Variants in BRINP3 observed in about 807,000 individuals in gnomAD.
BRINP3 encodes the protein BMP/retinoic acid inducible neural specific 3.
Under a neutral mutation model 71.0 loss-of-function variants are expected in BRINP3, and 19 were observed. The observed-to-expected ratio is 0.27, with a 90% CI of 0.19 to 0.39. BRINP3 has a LOEUF of 0.39. Ranked by LOEUF, BRINP3 falls within the 10% of genes least tolerant of loss-of-function variation. The probability of loss-of-function intolerance (pLI) is 1.00; values close to 1 mark genes in which losing one functional copy is unlikely to be tolerated. For missense variants in BRINP3, 959 were observed against 940.8 expected, an observed-to-expected ratio of 1.02 and a Z score of -0.25; for synonymous variants, 380 against 337.7, an observed-to-expected ratio of 1.13 and a Z score of -1.37.
intron 7 of BRINP3, among the ~76,000 whole-genome samples, chr1:190,121,969 T>C (rs2102321015): frequency 6.6e-6 from 1 of 152,318 alleles, no homozygotes; most frequent in African/African-American, 2.4e-5. Context: ...TAATGTAATA[T>C]GAATAAGTGG....
At chr1:190,304,912 A>T (rs1315118514) in intron 2 of BRINP3, among the ~76,000 whole-genome samples, 1 of 151,922 alleles carries the variant, frequency 6.6e-6, no homozygotes, top group Non-Finnish European at 1.5e-5. Flanking sequence ...AAACAGCTCA[A>T]CAGCAAAAAA....
intron 4 of BRINP3, among the ~76,000 whole-genome samples, chr1:190,264,629 C>T (rs1661490822): frequency 6.6e-6 from 1 of 152,054 alleles, no homozygotes; most frequent in Non-Finnish European, 1.5e-5. Flanking sequence ...TTCAAATATA[C>T]TTTAATTACA....
At chr1:190,271,323 T>C (rs756465886) in intron 3 of BRINP3, among the ~76,000 whole-genome samples, 1 of 151,620 alleles carries the variant, frequency 6.6e-6, no homozygotes, top group Non-Finnish European at 1.5e-5. Context: ...TGAATGATCT[T>C]GAACAACACA....
chr1:190,151,089 G>T (rs1656351300), intron 7 of BRINP3, among the ~76,000 whole-genome samples: 1 of 152,060 alleles, frequency 6.6e-6, no homozygotes. Context: ...GGAGTTTGCA[G>T]TGAGCCGAGA....
intron 2 of BRINP3, among the ~76,000 whole-genome samples, chr1:190,406,821 T>C (rs1176748608): frequency 6.6e-6 from 1 of 152,226 alleles, no homozygotes; most frequent in African/African-American, 2.4e-5. Context: ...ATAATGAATT[T>C]AGTTACCTTT....
At chr1:190,261,050 T>G (rs1474400359) in intron 4 of BRINP3, among the ~76,000 whole-genome samples, 1 of 152,012 alleles carries the variant, frequency 6.6e-6, no homozygotes. Context: ...AAACTTAATT[T>G]TACTCAGTGC....
At chr1:190,258,708 C>A (rs1660896938) in intron 4 of BRINP3, among the ~76,000 whole-genome samples, 1 of 152,126 alleles carries the variant, frequency 6.6e-6, no homozygotes, top group Admixed American at 6.5e-5. Flanking sequence ...AAGACAGAGA[C>A]TTTCTTAAGT....
At chr1:190,381,379 T>C (rs376408014) in intron 2 of BRINP3, among the ~76,000 whole-genome samples, 5 of 152,164 alleles carry the variant, frequency 3.3e-5, no homozygotes, top group East Asian at 3.9e-4. Flanking sequence ...TTATTTGGCC[T>C]CACTAACAAT....
At chr1:190,243,671 T>A (rs1368878553) in intron 4 of BRINP3, among the ~76,000 whole-genome samples, 1 of 152,124 alleles carries the variant, frequency 6.6e-6, no homozygotes, top group Non-Finnish European at 1.5e-5. Context: ...GGTTCAGGGC[T>A]GTGGCATTTC....
rs552655356 is a variant in BRINP3 at position 190,445,197 on chromosome 1, T to C, written c.236+9458A>G. 4.1e-4 allele frequency among the ~76,000 whole-genome samples: 62 copies of C among 152,258 alleles called. 1 individual carries two copies. The highest frequency in any genetic ancestry group is 1.5e-3 in the African/African-American group (62 of 41,584). ...AAAACCAAAAAACTTGCTACTTCTA[T>C]AAAGATTGGTCTAATTATGGATATT... On this transcript the variant is annotated intron_variant, in intron 2 of 7. Coordinates refer to ENST00000367462, the MANE Select transcript of BRINP3 (RefSeq NM_199051.3).
At chr1:190,263,483 C>G (rs994143392) in intron 4 of BRINP3, among the ~76,000 whole-genome samples, 1 of 152,004 alleles carries the variant, frequency 6.6e-6, no homozygotes, top group Non-Finnish European at 1.5e-5. Flanking sequence ...TTCCACATCA[C>G]CTTTAATTTT....
chr1:190,150,815 C>T (rs1046509018), intron 7 of BRINP3, among the ~76,000 whole-genome samples: 1 of 152,096 alleles, frequency 6.6e-6, no homozygotes, highest in Non-Finnish European at 1.5e-5. Flanking sequence ...AGTCTAATCT[C>T]AGTCAGATGA....
At chr1:190,120,651 C>T (rs1341520787) in intron 7 of BRINP3, among the ~76,000 whole-genome samples, 1 of 146,566 alleles carries the variant, frequency 6.8e-6, no homozygotes, top group South Asian at 2.2e-4. Context: ...CCAGCCACCA[C>T]GCCCGGCTAA....
At chr1:190,213,503 A>T (rs1656157920) in intron 6 of BRINP3, among the ~76,000 whole-genome samples, 1 of 152,084 alleles carries the variant, frequency 6.6e-6, no homozygotes, top group African/African-American at 2.4e-5. Flanking sequence ...ACTATGAATC[A>T]GGTAGAGTTA....
chr1:190,203,822 A>G, intron 6 of BRINP3, among the ~76,000 whole-genome samples: 1 of 111,242 alleles, frequency 9.0e-6, no homozygotes, highest in Admixed American at 1.1e-4. Flanking sequence ...TATAAATGAA[A>G]ACAAAGGGCA....
intron 7 of BRINP3, among the ~76,000 whole-genome samples, chr1:190,105,285 GTACACACACACACA>G (rs918438436): frequency 4.0e-5 from 6 of 151,746 alleles, no homozygotes; most frequent in African/African-American, 1.5e-4. Context: ...TCTCAAGAAA[GTACACACACACACA>G]TACACACACA....
intron 2 of BRINP3, among the ~76,000 whole-genome samples, chr1:190,370,633 T>C (rs748025872): frequency 4.6e-4 from 70 of 152,214 alleles, no homozygotes; most frequent in Non-Finnish European, 8.8e-4. Flanking sequence ...TAGAGGATAT[T>C]TGGCGGCAGT....
At chr1:190,222,773 A>G (rs951922147) in intron 6 of BRINP3, among the ~76,000 whole-genome samples, 2 of 151,772 alleles carry the variant, frequency 1.3e-5, no homozygotes, top group Admixed American at 1.3e-4. Context: ...GATAATCAAA[A>G]CTGACAAATT....
chr1:190,457,429 G>A (rs1331964647), intron 1 of BRINP3, among the ~76,000 whole-genome samples: 1 of 147,250 alleles, frequency 6.8e-6, no homozygotes, highest in African/African-American at 2.6e-5. Flanking sequence ...GGGTAACAGA[G>A]GGAGGCTCTG....
Sources: allele counts gnomAD v4.1 joint callset (sites outside exome capture counted in the v4.1 genomes callset), GRCh38; gene constraint gnomAD v4.1.1; transcripts MANE v1.5; gene names NCBI Gene and HGNC (gene_info 2026-07-23, HGNC 2026-07-21).